Variants in RAVER2 observed in about 807,000 individuals in gnomAD.
The protein encoded by RAVER2 is ribonucleoprotein PTB-binding 2.
RAVER2 carries 46 observed loss-of-function variants against 78.1 expected under a neutral mutation model. The ratio of observed to expected loss-of-function variants is 0.59; its 90% CI spans 0.46 to 0.75. The LOEUF (loss-of-function observed/expected upper bound fraction) is 0.75, where lower values mean the gene tolerates loss of function less well. RAVER2 is among the 30% of genes least tolerant of loss of function. RAVER2 has a pLI of 0.00. For synonymous variants in RAVER2, 311 were observed against 313.3 expected (o/e 0.99, Z 0.08); for missense variants, 793 against 837.5 (o/e 0.95, Z 0.66).
chr1:64,804,552 G>A (rs987123040), intron 6 of RAVER2, among the ~76,000 whole-genome samples, 182 bp from the exon 7 acceptor site: 4 of 152,116 alleles, frequency 2.6e-5, no homozygotes, highest in African/African-American at 9.7e-5. Context: ...TGACTGCATG[G>A]CCCCCTCTTG....
chr1:64,815,543 A>G (rs1653735008), intron 11 of RAVER2: 1 of 152,154 alleles, frequency 6.6e-6, no homozygotes, highest in East Asian at 1.9e-4. Flanking sequence ...ATGGAATCAT[A>G]AGAGTCCACA....
exon 12 of RAVER2, chr1:64,831,652 GTGA>G (rs1345900253): frequency 2.0e-5 from 3 of 152,086 alleles, no homozygotes; most frequent in Non-Finnish European, 4.4e-5. Flanking sequence ...AGTAACTTTG[GTGA>G]TCTAATAAAA....
At chr1:64,784,239 A>T (rs1652715811) in intron 4 of RAVER2, among the ~76,000 whole-genome samples, 1 of 152,136 alleles carries the variant, frequency 6.6e-6, no homozygotes, top group Non-Finnish European at 1.5e-5. Context: ...AGCTAGACTT[A>T]GTCGTGTGCA....
intron 11 of RAVER2, among the ~76,000 whole-genome samples, chr1:64,816,738 T>TA (rs1170891470): frequency 6.6e-6 from 1 of 152,178 alleles, no homozygotes; most frequent in Non-Finnish European, 1.5e-5. Context: ...CCTTACACCT[T>TA]ATACAAAAAT....
rs192591424 is a variant in RAVER2 at position 64,795,698 on chromosome 1, T to C, written c.1105+6184T>C. 3.3e-3 allele frequency among the ~76,000 whole-genome samples: 496 copies of C among 152,194 alleles called. 6 individuals are homozygous for C. Among genetic ancestry groups the C allele is most frequent in the African/African-American group, 9.4e-3 (391 of 41,574 alleles). On this transcript the variant is annotated intron_variant, in intron 5 of 11. Transcript: ENST00000294428. ...TGCTAAACTCACTTATTATTTCTAG[T>C]AGGTTTTTGCTGGGATTTTCTATGT...
chr1:64,810,398 A>G (rs1248012853), intron 9 of RAVER2, among the ~76,000 whole-genome samples: 1 of 152,210 alleles, frequency 6.6e-6, no homozygotes, highest in Non-Finnish European at 1.5e-5. Flanking sequence ...TGCTTTACAG[A>G]TGACCATCTT....
chr1:64,822,305 G>A (rs1245989541), intron 11 of RAVER2, among the ~76,000 whole-genome samples: 6 of 152,102 alleles, frequency 3.9e-5, no homozygotes, highest in South Asian at 2.1e-4. Flanking sequence ...AACAAAGTAC[G>A]AGAACAACAT....
intron 1 of RAVER2, among the ~76,000 whole-genome samples, chr1:64,756,864 C>T (rs1651868809): frequency 6.6e-6 from 1 of 152,044 alleles, no homozygotes; most frequent in Non-Finnish European, 1.5e-5. Flanking sequence ...TAGAATGTCT[C>T]TTAATTTGGG....
At chr1:64,758,248 G>C (rs1279624409) in intron 1 of RAVER2, among the ~76,000 whole-genome samples, 1 of 152,052 alleles carries the variant, frequency 6.6e-6, no homozygotes, top group Non-Finnish European at 1.5e-5. Flanking sequence ...TTCTAAAAAT[G>C]GTCCCCCATA....
chr1:64,828,166 AC>A (rs1456683739), intron 11 of RAVER2, among the ~76,000 whole-genome samples: 1 of 28,250 alleles, frequency 3.5e-5, no homozygotes, highest in Non-Finnish European at 7.4e-5. Context: ...CACCCCCCCC[AC>A]CCCCCGCCCA....
intron 1 of RAVER2, among the ~76,000 whole-genome samples, chr1:64,764,345 GAA>G (rs568455825): frequency 7.6e-6 from 1 of 131,834 alleles, no homozygotes; most frequent in Admixed American, 7.7e-5. Flanking sequence ...ACCCATATAG[GAA>G]AAAAAAAAAC....
chr1:64,831,794 T>G (rs571176225), exon 12 of RAVER2: 2 of 152,216 alleles, frequency 1.3e-5, no homozygotes, highest in Non-Finnish European at 2.9e-5. Flanking sequence ...ACATGAAATT[T>G]ATATGAAATT....
Position 64,745,194 on chromosome 1 carries a change from G to T in RAVER2, c.22G>T (p.Gly8Cys). ...GAAGATGGCGGCGGCGGCGGGAGAC[G>T]GCGGCGGCGAGGGGGGCGCGGGCCT... Residue 8 changes from glycine (G) to cysteine (C), a missense_variant, in exon 1 of 12, where the codon GGC (glycine) becomes TGC (cysteine). Transcript: ENST00000294428. This position sits in a 1 kb window ranked among gnomAD's most constrained non-coding sequence, Gnocchi z 4.3. 9.7e-7 allele frequency: 1 copy of T among 1,027,082 alleles called. No homozygotes were observed. Among genetic ancestry groups the T allele is most frequent in the Non-Finnish European group, 1.2e-6 (1 of 859,056 alleles). 63.6% of individuals were successfully genotyped at this position (1,027,082 alleles called of 1,614,324 possible).
intron 11 of RAVER2, among the ~76,000 whole-genome samples, chr1:64,817,128 C>T (rs575632372): frequency 6.6e-6 from 1 of 152,178 alleles, no homozygotes; most frequent in African/African-American, 2.4e-5. Context: ...GAAGACATTT[C>T]TGCAGCCAAC....
intron 4 of RAVER2, among the ~76,000 whole-genome samples, chr1:64,782,536 A>G (rs1652658962): frequency 6.6e-6 from 1 of 152,190 alleles, no homozygotes; most frequent in East Asian, 1.9e-4. Flanking sequence ...AGAAATACAG[A>G]TTTTTGCATG....
rs530919420 is a variant in RAVER2 at position 64,802,902 on chromosome 1, C to G, written c.1106-74C>G. ...TAGTTTAAAGAAATATTCATTTACC[C>G]TTTTCGAAGCTTGGTTTTTAAAAAT... is the stretch of plus-strand genomic sequence containing the variant. On this transcript the variant is annotated intron_variant, in intron 5 of 11. Coordinates refer to ENST00000294428, the Ensembl canonical transcript of RAVER2. 7.4e-6 allele frequency: 7 copies of G among 944,158 alleles called. No individual in the cohort carries two copies. The African/African-American group carries it at 1.0e-4, about 14-fold the overall frequency. 58.5% of individuals were successfully genotyped at this position (944,158 alleles called of 1,614,324 possible).
At position 64,762,179 on chromosome 1, in the gene RAVER2, C is replaced by A. The variant is rs71645601; in HGVS notation, c.250-6477C>A. ...TTTAAAAATAGACTTCAAATAACATCAAAAATGTCAAATGCAATTTAAAAA... is the reference window on the plus strand; with the variant it reads ...TTTAAAAATAGACTTCAAATAACATAAAAAATGTCAAATGCAATTTAAAAA... On this transcript the variant is annotated intron_variant, in intron 1 of 11. Coordinates refer to ENST00000294428, the Ensembl canonical transcript of RAVER2. Among the ~76,000 whole-genome samples, 1,246 of 152,222 alleles carry A rather than the reference C, an allele frequency of 8.2e-3. 8 individuals are homozygous for A. The highest frequency in any genetic ancestry group is 0.013 in the Non-Finnish European group (889 of 67,994).
intron 1 of RAVER2, among the ~76,000 whole-genome samples, chr1:64,762,586 T>C (rs1049812791): frequency 1.4e-4 from 21 of 152,120 alleles, no homozygotes; most frequent in Admixed American, 7.9e-4. Flanking sequence ...TGGGACAGAA[T>C]AGAGTCCAGA....
chr1:64,777,142 C>T (rs1652486914), intron 2 of RAVER2, among the ~76,000 whole-genome samples: 1 of 151,970 alleles, frequency 6.6e-6, no homozygotes, highest in Admixed American at 6.6e-5. Flanking sequence ...TTTGCTGTAC[C>T]TTCATTTTTT....
Sources: allele counts gnomAD v4.1 joint callset (sites outside exome capture counted in the v4.1 genomes callset), GRCh38; gene constraint gnomAD v4.1.1; non-coding constraint Gnocchi (gnomAD v3.1); transcripts MANE v1.5; gene names NCBI Gene and HGNC (gene_info 2026-07-23, HGNC 2026-07-21).